The following C1GALT1 variants were observed in gnomAD, a reference collection of about 807,000 sequenced individuals.
C1GALT1 encodes the protein core 1 synthase, glycoprotein-N-acetylgalactosamine 3-beta-galactosyltransferase 1, also known as glycoprotein-N-acetylgalactosamine 3-beta-galactosyltransferase 1.
In C1GALT1, 11 loss-of-function variants were observed where a neutral mutation model predicts 31.0. That is an observed-to-expected ratio of 0.36 (90% CI 0.22 to 0.59). The LOEUF (loss-of-function observed/expected upper bound fraction) is 0.59. C1GALT1 is among the 20% of genes least tolerant of loss of function. The probability of loss-of-function intolerance (pLI) is 0.79; values close to 1 mark genes in which losing one functional copy is unlikely to be tolerated. For synonymous variants in C1GALT1, 175 were observed against 143.6 expected, an observed-to-expected ratio of 1.22 and a Z score of -1.56; for missense variants, 424 against 425.2, an observed-to-expected ratio of 1.00 and a Z score of 0.03.
At chr7:7,187,126 G>A (rs545960914) in intron 1 of C1GALT1, among the ~76,000 whole-genome samples, 1 of 152,252 alleles carries the variant, frequency 6.6e-6, no homozygotes, top group South Asian at 2.1e-4. Flanking sequence ...AGTCAGAAGA[G>A]GTACAAGACT....
intron 2 of C1GALT1, among the ~76,000 whole-genome samples, chr7:7,164,894 A>C (rs1353357399): frequency 1.3e-5 from 2 of 152,118 alleles, no homozygotes; most frequent in Non-Finnish European, 2.9e-5. Flanking sequence ...AAACCATTAC[A>C]GTGTTCACCT....
chr7:7,214,410 A>G (rs953411876), intron 1 of C1GALT1, among the ~76,000 whole-genome samples: 3 of 152,216 alleles, frequency 2.0e-5, no homozygotes, highest in South Asian at 2.1e-4. Context: ...GCCTTTTTCC[A>G]GAAAAACAAG....
rs1780638749 is a variant in C1GALT1 at position 7,182,749 on chromosome 7, A to T, written c.-89A>T. ...CTTCTGCGGCTGCCCAGAGAAGCAAAGGTCACCAGTCCCAAGTCGTCCCCC... is the reference window on the plus strand; with the variant it reads ...CTTCTGCGGCTGCCCAGAGAAGCAATGGTCACCAGTCCCAAGTCGTCCCCC... On this transcript the variant is annotated 5_prime_UTR_variant, in exon 1 of 4. It adds an upstream start codon to the 5' untranslated region. Coordinates refer to ENST00000436587, the MANE Select transcript of C1GALT1 (RefSeq NM_020156.5). The T allele has an allele frequency of 1.0e-6, 1 of 968,466 alleles. No individual in the cohort carries two copies. Among genetic ancestry groups the T allele is most frequent in the Non-Finnish European group, 1.2e-6 (1 of 814,472 alleles). The allele number at this position is 968,466 out of a possible 1,614,324, so 60.0% of individuals were successfully genotyped here.
At chr7:7,186,540 C>G (rs1013089818) in intron 1 of C1GALT1, among the ~76,000 whole-genome samples, 1 of 152,188 alleles carries the variant, frequency 6.6e-6, no homozygotes, top group Admixed American at 6.5e-5. Flanking sequence ...GATGGAGACT[C>G]AGGTTTCAGA....
chr7:7,233,876 T>G (rs1159805337), intron 1 of C1GALT1, among the ~76,000 whole-genome samples: 1 of 152,182 alleles, frequency 6.6e-6, no homozygotes, highest in Non-Finnish European at 1.5e-5. Context: ...GCCAAAAATA[T>G]TTTATTTCTA....
At chr7:7,229,267 C>CA (rs1313708280) in intron 1 of C1GALT1, among the ~76,000 whole-genome samples, 1 of 152,032 alleles carries the variant, frequency 6.6e-6, no homozygotes, top group African/African-American at 2.4e-5. Context: ...ACAGCTAGGA[C>CA]AAAAAGCAAT....
intron 1 of C1GALT1, among the ~76,000 whole-genome samples, chr7:7,203,092 G>GTTTT (rs35048292): frequency 0.056 from 7,649 of 137,512 alleles, 260 homozygotes; most frequent in East Asian, 0.13. Flanking sequence ...GTTCTAACAG[G>GTTTT]TTTTTTTTTT....
chr7:7,228,637 T>G (rs958553828), intron 1 of C1GALT1, among the ~76,000 whole-genome samples: 4 of 152,170 alleles, frequency 2.6e-5, no homozygotes, highest in Admixed American at 6.5e-5. Flanking sequence ...TACAGTTATT[T>G]AGTCATAAGG....
chr7:7,213,455 A>T (rs919664384), intron 1 of C1GALT1, among the ~76,000 whole-genome samples: 7 of 152,220 alleles, frequency 4.6e-5, no homozygotes, highest in African/African-American at 1.7e-4. Context: ...TTTAAAGAAG[A>T]TTGGACATCA....
intron 1 of C1GALT1, among the ~76,000 whole-genome samples, chr7:7,211,799 T>C (rs1782017557): frequency 6.6e-6 from 1 of 152,198 alleles, no homozygotes; most frequent in South Asian, 2.1e-4. Context: ...GATTTTTACA[T>C]TACCCATCCC....
rs575007175 is a variant in C1GALT1 at position 7,175,073 on chromosome 7, C to A, written c.-18+17647C>A. 9.9e-4 allele frequency among the ~76,000 whole-genome samples: 150 copies of A among 152,220 alleles called. 1 individual carries two copies. The highest frequency in any genetic ancestry group is 3.5e-3 in the African/African-American group (144 of 41,556). ...GAGCTTGAAAAGTGGACATTTGGCT[C>A]CTATGATGTGGTAACTAGAAATTAG... On this transcript the variant is annotated intron_variant, in intron 2 of 3. Coordinates refer to the C1GALT1 transcript ENST00000429911.
At chr7:7,197,874 T>C (rs1264487516) in intron 1 of C1GALT1, among the ~76,000 whole-genome samples, 1 of 152,248 alleles carries the variant, frequency 6.6e-6, no homozygotes, top group African/African-American at 2.4e-5. Context: ...CTTGTGATTT[T>C]TGCACATTGA....
chr7:7,229,677 C>A (rs1782975415), intron 1 of C1GALT1, among the ~76,000 whole-genome samples: 1 of 152,156 alleles, frequency 6.6e-6, no homozygotes, highest in African/African-American at 2.4e-5. Flanking sequence ...TCAGAACAAT[C>A]ACTTAAGACA....
chr7:7,202,698 C>T (rs894433756), intron 1 of C1GALT1, among the ~76,000 whole-genome samples: 2 of 152,090 alleles, frequency 1.3e-5, no homozygotes, highest in Non-Finnish European at 2.9e-5. Flanking sequence ...ACTGTTTTGG[C>T]TATTCAGGGT....
At chr7:7,164,355 G>A (rs1439592305) in intron 2 of C1GALT1, among the ~76,000 whole-genome samples, 4 of 152,166 alleles carry the variant, frequency 2.6e-5, no homozygotes, top group African/African-American at 7.2e-5. Flanking sequence ...TGTATGAAGA[G>A]CTAACTCTAA....
At chr7:7,186,590 A>G (rs913196666) in intron 1 of C1GALT1, among the ~76,000 whole-genome samples, 5 of 152,224 alleles carry the variant, frequency 3.3e-5, no homozygotes, top group African/African-American at 1.2e-4. Context: ...AAACAAGATG[A>G]ATAAGTAAAA....
intron 1 of C1GALT1, among the ~76,000 whole-genome samples, chr7:7,218,806 A>C (rs1420219965): frequency 1.3e-5 from 2 of 152,094 alleles, no homozygotes; most frequent in Non-Finnish European, 2.9e-5. Context: ...GTTTAAAATC[A>C]AATTGGTATA....
Position 7,248,357 on chromosome 7 carries a change from G to T in C1GALT1, c.*4630G>T, listed in dbSNP as rs1271552958. ...GGCCCTGCAAATTAATAATCTACAT[G>T]AAGTATATTATTAGAGGGAAACTAA... is the stretch of plus-strand genomic sequence containing the variant. On this transcript the variant is annotated 3_prime_UTR_variant, in exon 4 of 4. Coordinates refer to ENST00000436587, the MANE Select transcript of C1GALT1 (RefSeq NM_020156.5). 1 of 151,892 alleles carries T rather than the reference G, an allele frequency of 6.6e-6. No homozygotes were observed. Among genetic ancestry groups the T allele is most frequent in the Non-Finnish European group, 1.5e-5 (1 of 67,876 alleles). 9.4% of individuals were successfully genotyped at this position (151,892 alleles called of 1,614,324 possible).
intron 1 of C1GALT1, among the ~76,000 whole-genome samples, chr7:7,204,531 C>G (rs868172865): frequency 2.0e-5 from 3 of 151,808 alleles, no homozygotes; most frequent in Non-Finnish European, 4.4e-5. Flanking sequence ...ATTGATTTTT[C>G]CATGTTGCTT....
Sources: gnomAD v4.1 joint callset for allele counts (sites outside exome capture counted in the v4.1 genomes callset) on GRCh38, gnomAD v4.1.1 for gene constraint, MANE v1.5 for transcripts, NCBI Gene and HGNC (gene_info 2026-07-23, HGNC 2026-07-21) for gene names.